COP1: variants seen among roughly 807,000 people sequenced by gnomAD.
COP1 encodes COP1 E3 ubiquitin ligase.
In COP1, 24 loss-of-function variants were observed where a neutral mutation model predicts 101.3. That is an observed-to-expected ratio of 0.24 (90% CI 0.17 to 0.33). COP1 has a LOEUF of 0.33. COP1 is among the 10% of genes least tolerant of loss of function. The pLI is 1.00. For missense variants in COP1, 663 were observed against 906.2 expected (o/e 0.73, Z 3.45); for synonymous variants, 347 against 341.9 (o/e 1.01, Z -0.17).
intron 10 of COP1, 43 bp downstream of exon 10, chr1:176,085,733 G>T (rs1558076193): frequency 4.2e-6 from 5 of 1,200,394 alleles, no homozygotes; most frequent in Non-Finnish European, 6.0e-6. Context: ...AAACAGATCT[G>T]AAATGTAGAT....
chr1:176,206,945 C>A lies in COP1; in HGVS notation c.34G>T (p.Ala12Ser), dbSNP rs1046345036. The A allele has an allele frequency of 1.4e-6, 2 of 1,450,716 alleles. No homozygotes were observed. Among genetic ancestry groups the A allele is most frequent in the Non-Finnish European group, 9.0e-7 (1 of 1,105,486 alleles). 89.9% of individuals were successfully genotyped at this position (1,450,716 alleles called of 1,614,324 possible). A position where few individuals can be genotyped will look rare whatever the true frequency, so the allele number is the denominator to read the frequency against. Residue 12 changes from alanine to serine, a missense_variant, in exon 1 of 20, where the codon GCT becomes TCT. Around this residue, in one of 4 missense-constraint regions of COP1, gnomAD observed 204 missense variants for 203.6 expected, o/e 1.00. Transcript: ENST00000367669. ...GCCGAGGACCCGGGGCTTGTCCCAGCGGAGCCCGACCCGGCCTGGCGGCTA... is the reference window on the plus strand; with the variant it reads ...GCCGAGGACCCGGGGCTTGTCCCAGAGGAGCCCGACCCGGCCTGGCGGCTA... ...SGSRQAGSGS[A>S]GTSPGSSAAS...
At position 176,196,005 on chromosome 1, in the gene COP1, G is replaced by A. The variant is rs560031473; in HGVS notation, c.407+10567C>T. 2.1e-4 allele frequency among the ~76,000 whole-genome samples: 32 copies of A among 152,228 alleles called. No homozygotes were observed. The South Asian group carries it at 6.6e-3, about 32-fold the overall frequency. ...CACGTAACAAACCTGTGCATGTACA[G>A]GTAAAATAAATTAAACAACATACTT... is the stretch of plus-strand genomic sequence containing the variant. On this transcript the variant is annotated intron_variant, in intron 1 of 19. Coordinates refer to ENST00000367669, the MANE Select transcript of COP1 (RefSeq NM_022457.7).
At chr1:176,101,692 A>T (rs1026910992) in intron 9 of COP1, among the ~76,000 whole-genome samples, 1 of 151,854 alleles carries the variant, frequency 6.6e-6, no homozygotes, top group African/African-American at 2.4e-5. Flanking sequence ...CTGTCCTCAC[A>T]CCCTCCCCAC....
intron 15 of COP1, among the ~76,000 whole-genome samples, chr1:176,018,017 T>G (rs999705764): frequency 6.6e-6 from 1 of 151,270 alleles, no homozygotes; most frequent in African/African-American, 2.4e-5. Flanking sequence ...CTGCTCTCAA[T>G]TTAGTTGTCA....
intron 11 of COP1, among the ~76,000 whole-genome samples, chr1:176,052,227 C>T (rs947454166): frequency 6.6e-6 from 1 of 152,128 alleles, no homozygotes; most frequent in African/African-American, 2.4e-5. Flanking sequence ...TACAGTAACA[C>T]GCTATGTAGG....
In COP1 at chr1:175,947,250, AC is replaced by A. The variant is rs368583323; in HGVS notation, c.2134-12del. On this transcript the variant is annotated splice_polypyrimidine_tract_variant and intron_variant, in intron 18 of 19. Coordinates refer to ENST00000367669, the MANE Select transcript of COP1 (RefSeq NM_022457.7). ...CAGCACATTGGACTCCTAGAAAAGA[AC>A]AAGAGCTTTTAAAGTATAGAGAAGG... 284 of 1,597,508 alleles carry A rather than the reference AC, an allele frequency of 1.8e-4. No homozygotes were observed. In the African/African-American group the frequency reaches 3.3e-3, roughly 19 times the overall value.
intron 11 of COP1, among the ~76,000 whole-genome samples, chr1:176,053,441 A>G (rs1672918325): frequency 6.6e-6 from 1 of 152,148 alleles, no homozygotes; most frequent in Non-Finnish European, 1.5e-5. Flanking sequence ...CTTTCAGCTC[A>G]CTGTCATTTT....
intron 3 of COP1, among the ~76,000 whole-genome samples, chr1:176,174,232 T>C (rs1258723799): frequency 6.6e-6 from 1 of 152,028 alleles, no homozygotes; most frequent in Non-Finnish European, 1.5e-5. Flanking sequence ...GAGTAAGTAG[T>C]TTTCCAAAGT....
intron 1 of COP1, among the ~76,000 whole-genome samples, chr1:176,203,263 G>C (rs1459796794): frequency 6.6e-6 from 1 of 152,052 alleles, no homozygotes; most frequent in African/African-American, 2.4e-5. Context: ...CGTGAACCCG[G>C]GAGGCGGAGC....
intron 6 of COP1, among the ~76,000 whole-genome samples, chr1:176,145,492 A>T (rs541164473): frequency 1.1e-4 from 16 of 152,310 alleles, no homozygotes; most frequent in African/African-American, 3.8e-4. Flanking sequence ...TGACTCATCA[A>T]TTCCACTTCT....
At chr1:176,175,423 G>C (rs939259498) in intron 3 of COP1, among the ~76,000 whole-genome samples, 1 of 152,212 alleles carries the variant, frequency 6.6e-6, no homozygotes, top group South Asian at 2.1e-4. Flanking sequence ...GGAAGGGATG[G>C]TTTCAGGATG....
At chr1:176,144,164 A>G (rs1371502467) in intron 6 of COP1, among the ~76,000 whole-genome samples, 1 of 152,170 alleles carries the variant, frequency 6.6e-6, no homozygotes, top group African/African-American at 2.4e-5. Context: ...GAATGAAACT[A>G]AACTGTTATT....
intron 18 of COP1, among the ~76,000 whole-genome samples, chr1:175,974,970 A>G (rs1654166793): frequency 6.6e-6 from 1 of 151,566 alleles, no homozygotes; most frequent in African/African-American, 2.4e-5. Context: ...CCAAAATTGC[A>G]TAATTCAAAT....
intron 2 of COP1, among the ~76,000 whole-genome samples, chr1:176,177,544 A>G (rs1473966293): frequency 6.6e-6 from 1 of 152,104 alleles, no homozygotes; most frequent in Non-Finnish European, 1.5e-5. Context: ...ATTATGGGAA[A>G]TGTTTTCTTT....
intron 18 of COP1, among the ~76,000 whole-genome samples, chr1:175,981,180 AT>A (rs1655767092): frequency 1.3e-5 from 2 of 151,882 alleles, no homozygotes; most frequent in African/African-American, 4.8e-5. Context: ...CTGATTGAAA[AT>A]TTTTCAGGTT....
chr1:176,152,322 T>C (rs569459931), intron 5 of COP1, among the ~76,000 whole-genome samples: 7 of 152,088 alleles, frequency 4.6e-5, no homozygotes, highest in Non-Finnish European at 8.8e-5. Context: ...CAATTAAAAA[T>C]TGAAAAGATT....
At chr1:176,078,417 A>T (rs978397223) in intron 11 of COP1, among the ~76,000 whole-genome samples, 4 of 152,200 alleles carry the variant, frequency 2.6e-5, no homozygotes, top group Non-Finnish European at 5.9e-5. Context: ...TATTCAATCA[A>T]TGGTGCTTGG....
At position 176,206,752 on chromosome 1, in the gene COP1, C is replaced by G. The variant is rs1275480139; in HGVS notation, c.227G>C (p.Gly76Ala). 1 of 1,528,382 alleles carries G rather than the reference C, an allele frequency of 6.5e-7. No individual in the cohort carries two copies. Among genetic ancestry groups the G allele is most frequent in the African/African-American group, 1.4e-5 (1 of 71,560 alleles). 94.7% of individuals were successfully genotyped at this position (1,528,382 alleles called of 1,614,324 possible). The stretch of plus-strand genomic sequence containing the variant: ...CGTGGACACCGCCCCGCCGCCGCTA[C>G]CCGATACGGCGGGCGCCACCAACAC... ...RPVLVAPAVSGSGGGAVSTGL... is the reference protein window; with the variant it reads ...RPVLVAPAVSASGGGAVSTGL... The change falls in exon 1 of 20, where the codon GGT becomes GCT. Residue 76 changes from glycine (G) to alanine (A), a missense_variant. Gly to Ala is a moderately conservative substitution (Grantham distance 60). Coordinates refer to ENST00000367669, the MANE Select transcript of COP1 (RefSeq NM_022457.7).
At chr1:176,002,927 G>A (rs991073092) in intron 15 of COP1, among the ~76,000 whole-genome samples, 4 of 150,090 alleles carry the variant, frequency 2.7e-5, no homozygotes, top group East Asian at 2.0e-4. Flanking sequence ...CTGAGGAATC[G>A]CCACACTGAC....
Sources: gnomAD v4.1 joint callset for allele counts (sites outside exome capture counted in the v4.1 genomes callset) on GRCh38, gnomAD v4.1.1 for gene constraint, gnomAD v4.1.1 regional missense constraint, MANE v1.5 for transcripts, NCBI Gene and HGNC (gene_info 2026-07-23, HGNC 2026-07-21) for gene names.